TOMM7: variants seen among roughly 807,000 people sequenced by gnomAD.
TOMM7 encodes the protein mitochondrial import receptor subunit TOM7 homolog.
Under a neutral mutation model 9.5 loss-of-function variants are expected in TOMM7, and 8 were observed. The ratio of observed to expected loss-of-function variants is 0.84; its 90% CI spans 0.49 to 1.51. The LOEUF is 1.51. TOMM7 is among the 40% of genes most tolerant of loss of function. TOMM7 has a pLI of 0.00. For synonymous variants in TOMM7, 27 were observed against 21.4 expected (o/e 1.26, Z -0.72); for missense variants, 74 against 63.7 (o/e 1.16, Z -0.55).
At chr7:22,815,072 T>A (rs1310562954) in intron 2 of TOMM7, among the ~76,000 whole-genome samples, 1 of 152,118 alleles carries the variant, frequency 6.6e-6, no homozygotes, top group Non-Finnish European at 1.5e-5. Context: ...AATTCTTTCC[T>A]AAAACACAAA....
intron 2 of TOMM7, among the ~76,000 whole-genome samples, chr7:22,813,482 C>A (rs1340084198): frequency 6.6e-6 from 1 of 152,106 alleles, no homozygotes; most frequent in Non-Finnish European, 1.5e-5. Context: ...AACAGGTAGG[C>A]CTGATAAACC....
At chr7:22,817,877 C>T in intron 2 of TOMM7, 123 bp downstream of exon 2, 1 of 889,496 alleles carries the variant, frequency 1.1e-6, no homozygotes, top group Non-Finnish European at 1.7e-6. Flanking sequence ...TCCAATAGCC[C>T]AAAACTATAC....
Position 22,822,761 on chromosome 7 carries a change from C to G in TOMM7, c.19G>C (p.Glu7Gln). 6.2e-7 allele frequency: 1 copy of G among 1,614,194 alleles called. No individual in the cohort carries two copies. The highest frequency in any genetic ancestry group is 8.5e-7 in the Non-Finnish European group (1 of 1,180,020). Residue 7 changes from glutamate to glutamine, a missense_variant, in exon 1 of 3, where the codon GAG (glutamate) becomes CAG (glutamine). Transcript: ENST00000358435. MVKLSK[E>Q]AKQRLQQLFK... is the part of the protein sequence containing the mutation. Reference sequence around the variant, plus strand: ...AGCTGCTGTAGTCTCTGCTTGGCCTCTTTGCTCAGCTTCACCATGGCGACG... The same window carrying G: ...AGCTGCTGTAGTCTCTGCTTGGCCTGTTTGCTCAGCTTCACCATGGCGACG...
chr7:22,820,344 T>C (rs1782370133), intron 1 of TOMM7, among the ~76,000 whole-genome samples: 2 of 152,154 alleles, frequency 1.3e-5, no homozygotes, highest in Admixed American at 1.3e-4. Context: ...ATATAGCCAG[T>C]GTGCATAAAA....
At chr7:22,813,368 TAC>T (rs1319233100) in intron 2 of TOMM7, among the ~76,000 whole-genome samples, 183 bp from the exon 3 acceptor site, 1 of 152,194 alleles carries the variant, frequency 6.6e-6, no homozygotes, top group East Asian at 1.9e-4. Context: ...TGTATTCAAA[TAC>T]ACTTTTCTTT....
chr7:22,816,992 A>G (rs1383566013), intron 2 of TOMM7, among the ~76,000 whole-genome samples: 1 of 152,220 alleles, frequency 6.6e-6, no homozygotes, highest in Admixed American at 6.5e-5. Context: ...GGCTTCGAGT[A>G]AAAGTTCGAA....
chr7:22,822,805 G>T lies in TOMM7; in HGVS notation c.-26C>A, dbSNP rs769597222. ...GGCGACGGCCGTGTGGCGCAGGGAG[G>T]ACCCCTTACAGCAACCACAGCGTCG... is the stretch of plus-strand genomic sequence containing the variant. On this transcript the variant is annotated 5_prime_UTR_variant, in exon 1 of 3. Transcript: ENST00000358435. 1.3e-6 allele frequency: 2 copies of T among 1,586,884 alleles called. No individual in the cohort carries two copies. Among genetic ancestry groups the T allele is most frequent in the African/African-American group, 1.3e-5 (1 of 74,380 alleles).
intron 1 of TOMM7, 178 bp from the exon 2 acceptor site, chr7:22,818,226 T>A (rs1235538213): frequency 1.8e-6 from 1 of 568,296 alleles, no homozygotes; most frequent in Non-Finnish European, 3.2e-6. Context: ...TTCATTAGAG[T>A]ATGAAATTAT....
chr7:22,822,807 C>T lies in TOMM7; in HGVS notation c.-28G>A. The stretch of plus-strand genomic sequence containing the variant: ...CGACGGCCGTGTGGCGCAGGGAGGA[C>T]CCCTTACAGCAACCACAGCGTCGGG... On this transcript the variant is annotated 5_prime_UTR_variant, in exon 1 of 3. Coordinates refer to ENST00000358435, the MANE Select transcript of TOMM7 (RefSeq NM_019059.5). 6.4e-7 allele frequency: 1 copy of T among 1,574,262 alleles called. No homozygotes were observed. The highest frequency in any genetic ancestry group is 1.1e-5 in the South Asian group (1 of 90,290).
At chr7:22,820,636 A>AG (rs1782374826) in intron 1 of TOMM7, among the ~76,000 whole-genome samples, 1 of 152,196 alleles carries the variant, frequency 6.6e-6, no homozygotes, top group Non-Finnish European at 1.5e-5. Flanking sequence ...CTTAGCTAAA[A>AG]GGGGAGCTAG....
At chr7:22,822,546 CA>C (rs1288315867) in intron 1 of TOMM7, 130 bp downstream of exon 1, 17 of 841,466 alleles carry the variant, frequency 2.0e-5, no homozygotes, top group Non-Finnish European at 3.3e-5. Context: ...CCCACTTGAC[CA>C]GACAGCCTCA....
intron 1 of TOMM7, among the ~76,000 whole-genome samples, chr7:22,821,815 C>T (rs923731912): frequency 1.3e-5 from 2 of 152,072 alleles, no homozygotes; most frequent in Non-Finnish European, 2.9e-5. Context: ...CAGTCTGCAA[C>T]CCTAACTGAA....
intron 2 of TOMM7, among the ~76,000 whole-genome samples, chr7:22,816,072 T>C (rs1172593977): frequency 1.3e-5 from 2 of 152,168 alleles, no homozygotes; most frequent in Middle Eastern, 3.2e-3. Flanking sequence ...TAGAGCACTG[T>C]TTTCATAAGG....
At chr7:22,813,737 C>G (rs1782279253) in intron 2 of TOMM7, among the ~76,000 whole-genome samples, 1 of 151,288 alleles carries the variant, frequency 6.6e-6, no homozygotes. Context: ...ACTTCCACCT[C>G]AACTAACTCT....
intron 1 of TOMM7, chr7:22,822,255 C>G (rs1277258570): frequency 1.3e-6 from 2 of 1,550,372 alleles, no homozygotes; most frequent in Non-Finnish European, 1.7e-6. Flanking sequence ...GCTTTCATGG[C>G]AGTGGTACTT....
intron 1 of TOMM7, among the ~76,000 whole-genome samples, chr7:22,820,563 C>A (rs1009875912): frequency 2.6e-5 from 4 of 152,080 alleles, no homozygotes; most frequent in South Asian, 2.1e-4. Context: ...TAAAATAGGA[C>A]CTCGTACACG....
chr7:22,815,195 G>A (rs1217473646), intron 2 of TOMM7, among the ~76,000 whole-genome samples: 1 of 152,168 alleles, frequency 6.6e-6, no homozygotes, highest in African/African-American at 2.4e-5. Flanking sequence ...ATGAAAAGCA[G>A]TAGGACAGGG....
At chr7:22,822,227 G>C in intron 1 of TOMM7, 9 of 1,550,848 alleles carry the variant, frequency 5.8e-6, no homozygotes, top group Non-Finnish European at 7.8e-6. Flanking sequence ...GGCATCCAAC[G>C]ACTATTATTA....
chr7:22,820,404 C>G (rs940703054), intron 1 of TOMM7, among the ~76,000 whole-genome samples: 1 of 152,172 alleles, frequency 6.6e-6, no homozygotes, highest in Non-Finnish European at 1.5e-5. Context: ...CACTCTTACA[C>G]GAAGCCCCTG....
Sources: allele counts gnomAD v4.1 joint callset (sites outside exome capture counted in the v4.1 genomes callset), GRCh38; gene constraint gnomAD v4.1.1; transcripts MANE v1.5; gene names NCBI Gene and HGNC (gene_info 2026-07-23, HGNC 2026-07-21).